MED13L: variants seen among roughly 807,000 people sequenced by gnomAD.
The protein encoded by MED13L is mediator complex subunit 13L.
MED13L carries 7 observed loss-of-function variants against 220.9 expected under a neutral mutation model. The observed-to-expected ratio is 0.03, with a 90% CI of 0.02 to 0.06. The LOEUF (loss-of-function observed/expected upper bound fraction) is 0.06, where lower values mean the gene tolerates loss of function less well. MED13L is among the 10% of genes least tolerant of loss of function. The probability of loss-of-function intolerance (pLI) is 1.00; values close to 1 mark genes in which losing one functional copy is unlikely to be tolerated. For synonymous variants in MED13L, 1,011 were observed against 1,015.2 expected, an observed-to-expected ratio of 1.00 and a Z score of 0.08; for missense variants, 1,965 against 2,760.5, an observed-to-expected ratio of 0.71 and a Z score of 6.46.
Position 115,991,185 on chromosome 12 carries a change from C to T in MED13L, c.3769G>A (p.Val1257Ile), listed in dbSNP as rs1399804763. The T allele has an allele frequency of 1.2e-6, 2 of 1,614,164 alleles. No homozygotes were observed. Among genetic ancestry groups the T allele is most frequent in the Non-Finnish European group, 1.7e-6 (2 of 1,180,044 alleles). The change falls in exon 17 of 31, where the codon GTA becomes ATA. Residue 1257 changes from valine (V) to isoleucine (I), a missense_variant. Physicochemically the swap from Val to Ile is conservative, Grantham distance 29 (BLOSUM62 3). Transcript: ENST00000281928. This position sits in a 1 kb window ranked among gnomAD's most constrained non-coding sequence, Gnocchi z 7.7. ...TGCACCCGGTCATAACTCCAGCTTACACAGGGAAGAGTTTGGCGATTGTTA... is the reference window on the plus strand; with the variant it reads ...TGCACCCGGTCATAACTCCAGCTTATACAGGGAAGAGTTTGGCGATTGTTA... ...SSNNRQTLPC[V>I]SWSYDRVQAD...
At chr12:116,026,317 T>TA (rs1338450778) in intron 4 of MED13L, among the ~76,000 whole-genome samples, 1 of 152,068 alleles carries the variant, frequency 6.6e-6, no homozygotes, top group East Asian at 1.9e-4. Context: ...GAAGCATAAA[T>TA]AAAAAAGATT....
intron 4 of MED13L, among the ~76,000 whole-genome samples, chr12:116,023,337 C>G (rs1880175487): frequency 6.6e-6 from 1 of 152,156 alleles, no homozygotes; most frequent in Non-Finnish European, 1.5e-5. Context: ...GGCAACCCCT[C>G]AGCACATTTT....
At chr12:116,075,888 C>G (rs1179463497) in intron 4 of MED13L, among the ~76,000 whole-genome samples, 2 of 151,288 alleles carry the variant, frequency 1.3e-5, no homozygotes, top group African/African-American at 4.9e-5. Context: ...AAAAAATTAA[C>G]AGGAGCCATT....
At chr12:116,251,485 C>T (rs1303481893) in intron 1 of MED13L, among the ~76,000 whole-genome samples, 4 of 142,514 alleles carry the variant, frequency 2.8e-5, no homozygotes, top group African/African-American at 5.2e-5. Flanking sequence ...ACTGGCCAGA[C>T]GAGGTGGCTC....
intron 4 of MED13L, among the ~76,000 whole-genome samples, chr12:116,025,236 T>C (rs892831864): frequency 5.3e-5 from 8 of 152,192 alleles, no homozygotes; most frequent in Admixed American, 2.6e-4. Context: ...ATAACAAGTG[T>C]TGGCAAGGAT....
chr12:116,131,298 G>A (rs1403048693), intron 2 of MED13L, among the ~76,000 whole-genome samples: 1 of 152,172 alleles, frequency 6.6e-6, no homozygotes, highest in Admixed American at 6.5e-5. Context: ...TATTGTATGT[G>A]CCAGCTAAGC....
At chr12:116,104,833 T>C (rs150609948) in intron 3 of MED13L, among the ~76,000 whole-genome samples, 124 of 152,344 alleles carry the variant, frequency 8.1e-4, no homozygotes, top group African/African-American at 2.9e-3. Context: ...AATGCCAATT[T>C]GACAGCACTG....
At chr12:116,194,271 T>C (rs184366371) in intron 2 of MED13L, among the ~76,000 whole-genome samples, 76 of 152,250 alleles carry the variant, frequency 5.0e-4, no homozygotes, top group African/African-American at 1.8e-3. Flanking sequence ...GTTTAAGCGA[T>C]TCTCCTGCCT....
At chr12:116,198,826 CTT>C (rs1391147286) in intron 2 of MED13L, among the ~76,000 whole-genome samples, 1 of 152,162 alleles carries the variant, frequency 6.6e-6, no homozygotes, top group Non-Finnish European at 1.5e-5. Context: ...AATGGACACT[CTT>C]TAGGAGAAAT....
At chr12:116,240,117 C>CT (rs200079083) in intron 1 of MED13L, among the ~76,000 whole-genome samples, 3,682 of 147,422 alleles carry the variant, frequency 0.025, 104 homozygotes, top group South Asian at 0.14. Context: ...TTACAAGTTC[C>CT]TTTTTTTTTT....
At position 116,003,019 on chromosome 12, in the gene MED13L, A is replaced by G. The variant is rs1177843820; in HGVS notation, c.2553T>C (p.Ala851=). The change falls in exon 14 of 31, where the codon GCT becomes GCC. Residue 851 remains alanine (A), a synonymous_variant. Coordinates refer to ENST00000281928, the MANE Select transcript of MED13L (RefSeq NM_015335.5). ...TCTACCTACTTGGTGGATAAGGAAC[A>G]GCAGCTCTTCCATCCTTCCCAAGAG... ...DRPLGKDGRA[A]VPYPPTVADL... The G allele has an allele frequency of 2.5e-6, 4 of 1,614,070 alleles. No individual in the cohort carries two copies. Among genetic ancestry groups the G allele is most frequent in the Non-Finnish European group, 1.7e-6 (2 of 1,179,882 alleles).
chr12:116,127,138 T>A (rs1875658898), intron 2 of MED13L, among the ~76,000 whole-genome samples: 1 of 152,168 alleles, frequency 6.6e-6, no homozygotes, highest in Non-Finnish European at 1.5e-5. Context: ...ACAATAAAAG[T>A]TACTTTATCA....
chr12:116,209,636 CTTA>C (rs1182988258), intron 2 of MED13L, among the ~76,000 whole-genome samples: 2 of 152,138 alleles, frequency 1.3e-5, no homozygotes. Context: ...AAGTATTTTC[CTTA>C]TTATTCTTTA....
intron 2 of MED13L, among the ~76,000 whole-genome samples, chr12:116,209,417 G>A (rs1159056417): frequency 6.6e-6 from 1 of 152,104 alleles, no homozygotes; most frequent in Non-Finnish European, 1.5e-5. Flanking sequence ...AATCACATGT[G>A]CTAGAACATA....
At position 116,022,487 on chromosome 12, in the gene MED13L, G is replaced by T; in HGVS notation, c.594C>A (p.His198Gln). Residue 198 changes from histidine (H) to glutamine (Q), a missense_variant, in exon 5 of 31, where the codon CAC becomes CAA. Coordinates refer to ENST00000281928, the MANE Select transcript of MED13L (RefSeq NM_015335.5). ...ATGGTGCAGGTGAAGACTGAGCCAT[G>T]TGTATATGCTCCTCATTGATCAAAT... ...PIYLINEEHIHMAQSSPAPFQ... is the reference protein window; with the variant it reads ...PIYLINEEHIQMAQSSPAPFQ... 1 of 1,613,806 alleles carries T rather than the reference G, an allele frequency of 6.2e-7. No homozygotes were observed. Among genetic ancestry groups the T allele is most frequent in the Non-Finnish European group, 8.5e-7 (1 of 1,179,860 alleles).
chr12:116,132,076 C>G (rs991973519), intron 2 of MED13L, among the ~76,000 whole-genome samples: 2 of 151,966 alleles, frequency 1.3e-5, no homozygotes, highest in Non-Finnish European at 2.9e-5. Context: ...GTCAGGAGTT[C>G]GAGATCAGCC....
At chr12:116,172,046 T>C (rs982193981) in intron 2 of MED13L, among the ~76,000 whole-genome samples, 63 of 152,212 alleles carry the variant, frequency 4.1e-4, no homozygotes, top group African/African-American at 1.5e-3. Context: ...TCAGCAAGTA[T>C]TGAATAAGAT....
chr12:116,048,011 T>C (rs1881939582), intron 4 of MED13L, among the ~76,000 whole-genome samples: 1 of 151,644 alleles, frequency 6.6e-6, no homozygotes, highest in Non-Finnish European at 1.5e-5. Context: ...GAGTTATACC[T>C]GCAAAGATCA....
At chr12:116,033,338 T>G (rs1329842087) in intron 4 of MED13L, among the ~76,000 whole-genome samples, 8 of 152,184 alleles carry the variant, frequency 5.3e-5, no homozygotes, top group Admixed American at 4.6e-4. Context: ...CAAACACTAC[T>G]GATAAAGACA....
Sources: allele counts gnomAD v4.1 joint callset (sites outside exome capture counted in the v4.1 genomes callset), GRCh38; gene constraint gnomAD v4.1.1; non-coding constraint Gnocchi (gnomAD v3.1); transcripts MANE v1.5; gene names NCBI Gene and HGNC (gene_info 2026-07-23, HGNC 2026-07-21).